FRMD4A: variants seen among roughly 807,000 people sequenced by gnomAD.
FRMD4A encodes FERM domain containing 4A, also known as FERM domain-containing protein 4A.
FRMD4A carries 29 observed loss-of-function variants against 129.1 expected under a neutral mutation model. That is an observed-to-expected ratio of 0.22 (90% CI 0.17 to 0.31). The LOEUF (loss-of-function observed/expected upper bound fraction) is 0.31, where lower values mean the gene tolerates loss of function less well. FRMD4A is among the 10% of genes least tolerant of loss of function. FRMD4A has a pLI of 1.00. For synonymous variants in FRMD4A, 634 were observed against 571.6 expected (o/e 1.11, Z -1.56); for missense variants, 1,272 against 1,375.8 (o/e 0.92, Z 1.19).
At chr10:13,732,104 A>G (rs1274030731) in intron 12 of FRMD4A, among the ~76,000 whole-genome samples, 2 of 151,936 alleles carry the variant, frequency 1.3e-5, no homozygotes, top group Non-Finnish European at 2.9e-5. Flanking sequence ...TGGGGTTTAA[A>G]TGTTCTCTGT....
chr10:13,874,361 C>T (rs2094469620), intron 2 of FRMD4A, among the ~76,000 whole-genome samples: 1 of 151,668 alleles, frequency 6.6e-6, no homozygotes, highest in East Asian at 1.9e-4. Flanking sequence ...ACTCTCTCCC[C>T]AAAATAAATC....
At chr10:14,011,434 T>C (rs1445000517) in intron 2 of FRMD4A, among the ~76,000 whole-genome samples, 1 of 152,054 alleles carries the variant, frequency 6.6e-6, no homozygotes, top group African/African-American at 2.4e-5. Context: ...GTCTAGAACC[T>C]TGGAGACCCA....
intron 2 of FRMD4A, chr10:14,326,354 GC>G (rs1454710976): frequency 6.6e-6 from 1 of 152,234 alleles, no homozygotes; most frequent in Non-Finnish European, 1.5e-5. Flanking sequence ...GCTTTGATAT[GC>G]TGTCAGAGAA....
At chr10:13,791,753 G>C (rs961118850) in intron 5 of FRMD4A, among the ~76,000 whole-genome samples, 1 of 152,194 alleles carries the variant, frequency 6.6e-6, no homozygotes, top group African/African-American at 2.4e-5. Context: ...CCCAGGAGGA[G>C]CAGTGAGCAG....
chr10:14,123,763 T>A (rs1194534723), intron 2 of FRMD4A, among the ~76,000 whole-genome samples: 1 of 152,214 alleles, frequency 6.6e-6, no homozygotes, highest in African/African-American at 2.4e-5. Flanking sequence ...AAGTTCAAGT[T>A]CAAATATCCA....
At chr10:14,241,512 G>T (rs908084103) in intron 2 of FRMD4A, among the ~76,000 whole-genome samples, 2 of 151,704 alleles carry the variant, frequency 1.3e-5, no homozygotes, top group Non-Finnish European at 2.9e-5. Flanking sequence ...TTAATTCTTG[G>T]TTAAAAAGTA....
chr10:14,180,309 A>G (rs1648569565), intron 2 of FRMD4A, among the ~76,000 whole-genome samples: 1 of 152,218 alleles, frequency 6.6e-6, no homozygotes, highest in Admixed American at 6.5e-5. Context: ...AGTAGATAGC[A>G]TCATTTGGTC....
intron 2 of FRMD4A, among the ~76,000 whole-genome samples, chr10:14,089,757 G>A (rs1314369246): frequency 6.6e-6 from 1 of 152,138 alleles, no homozygotes; most frequent in Non-Finnish European, 1.5e-5. Context: ...CACCAACAGT[G>A]TGGAGTTATC....
At position 13,789,558 on chromosome 10, in the gene FRMD4A, C is replaced by CCACACACACA. The variant is rs3220780; in HGVS notation, c.300-6562_300-6553dup. 7.3e-3 allele frequency among the ~76,000 whole-genome samples: 1,057 copies of CCACACACACA among 144,758 alleles called. 8 individuals carry two copies. Among genetic ancestry groups the CCACACACACA allele is most frequent in the African/African-American group, 0.016 (623 of 39,222 alleles). The allele number at this position is 144,758 out of a possible 152,430, so 95.0% of individuals were successfully genotyped here. A position where few individuals can be genotyped will look rare whatever the true frequency, so the allele number is the denominator to read the frequency against. On this transcript the variant is annotated intron_variant, in intron 5 of 24. Coordinates refer to ENST00000357447, the MANE Select transcript of FRMD4A (RefSeq NM_018027.5). ...GCACAAAGTTGTGCCTATGAAAAGA[C>CCACACACACA]CACACACACACACACACACACACAC...
intron 2 of FRMD4A, among the ~76,000 whole-genome samples, chr10:14,312,698 A>G (rs1846594001): frequency 6.6e-6 from 1 of 152,048 alleles, no homozygotes; most frequent in Non-Finnish European, 1.5e-5. Context: ...ACTCCATTCT[A>G]TAAAAAAAAT....
intron 3 of FRMD4A, among the ~76,000 whole-genome samples, chr10:13,820,643 C>G (rs2093616314): frequency 6.6e-6 from 1 of 152,224 alleles, no homozygotes; most frequent in South Asian, 2.1e-4. Flanking sequence ...AAGAGTGACA[C>G]TCTCAGCTCC....
At chr10:14,079,730 G>A (rs771160857) in intron 2 of FRMD4A, among the ~76,000 whole-genome samples, 6 of 152,170 alleles carry the variant, frequency 3.9e-5, no homozygotes, top group East Asian at 1.9e-4. Context: ...CTTGTAATCC[G>A]CTGCCTGGGA....
intron 2 of FRMD4A, among the ~76,000 whole-genome samples, chr10:14,316,583 G>A (rs770345727): frequency 4.6e-5 from 7 of 150,832 alleles, no homozygotes; most frequent in African/African-American, 1.2e-4. Context: ...TCTTTTTCCT[G>A]GGGAGGGAAA....
At chr10:14,170,195 T>C (rs545723508) in intron 2 of FRMD4A, among the ~76,000 whole-genome samples, 1 of 152,358 alleles carries the variant, frequency 6.6e-6, no homozygotes, top group East Asian at 1.9e-4. Flanking sequence ...TTTGACATCT[T>C]ACCTCTGTAT....
Position 13,879,233 on chromosome 10 carries a change from T to TA in FRMD4A, c.46-20322dup, listed in dbSNP as rs201709440. 4.4e-3 allele frequency among the ~76,000 whole-genome samples: 659 copies of TA among 151,168 alleles called. 2 individuals are homozygous for TA. Among genetic ancestry groups the TA allele is most frequent in the Non-Finnish European group, 7.1e-3 (482 of 67,684 alleles). Reference sequence around the variant, plus strand: ...GGGCAACACAGTGAGACCCCATCTCTAAAAAAAAATACAAAAATTAGCCGG... The same window carrying TA: ...GGGCAACACAGTGAGACCCCATCTCTAAAAAAAAAATACAAAAATTAGCCGG... On this transcript the variant is annotated intron_variant, in intron 2 of 24. Coordinates refer to ENST00000357447, the MANE Select transcript of FRMD4A (RefSeq NM_018027.5).
At chr10:14,017,859 C>T (rs568184477) in intron 2 of FRMD4A, among the ~76,000 whole-genome samples, 58 of 152,264 alleles carry the variant, frequency 3.8e-4, no homozygotes, top group African/African-American at 1.4e-3. Context: ...CTCTTTGAAG[C>T]CTCATGTCAT....
intron 2 of FRMD4A, among the ~76,000 whole-genome samples, chr10:14,323,119 C>G (rs950704704): frequency 3.3e-5 from 5 of 152,182 alleles, no homozygotes; most frequent in Admixed American, 2.6e-4. Context: ...AAAGCGTTAG[C>G]TGATTGTCCA....
chr10:13,718,017 G>A (rs918894507), intron 12 of FRMD4A, among the ~76,000 whole-genome samples: 7 of 152,226 alleles, frequency 4.6e-5, no homozygotes, highest in Non-Finnish European at 4.4e-5. Context: ...AACCAGCAAG[G>A]GCTTTGGCGT....
chr10:14,259,302 A>G (rs550325528), intron 2 of FRMD4A, among the ~76,000 whole-genome samples: 2 of 152,332 alleles, frequency 1.3e-5, no homozygotes, highest in African/African-American at 4.8e-5. Context: ...ATACAAAACC[A>G]TCTCAAAAAA....
Sources: gnomAD v4.1 joint callset for allele counts (sites outside exome capture counted in the v4.1 genomes callset) on GRCh38, gnomAD v4.1.1 for gene constraint, MANE v1.5 for transcripts, NCBI Gene and HGNC (gene_info 2026-07-23, HGNC 2026-07-21) for gene names.